Variants in FLNB observed in about 807,000 individuals in gnomAD.
FLNB encodes the protein filamin B, also known as filamin-B.
Under a neutral mutation model 250.6 loss-of-function variants are expected in FLNB, and 111 were observed. The ratio of observed to expected loss-of-function variants is 0.44; its 90% confidence interval spans 0.38 to 0.52. The LOEUF (loss-of-function observed/expected upper bound fraction) is 0.52, where lower values mean the gene tolerates loss of function less well. FLNB is among the 20% of genes least tolerant of loss of function. FLNB has a pLI of 0.00. For synonymous variants in FLNB, 1,302 were observed against 1,372.1 expected, an observed-to-expected ratio of 0.95 and a Z score of 1.13; for missense variants, 2,869 against 3,447.8, an observed-to-expected ratio of 0.83 and a Z score of 4.20.
intron 3 of FLNB, among the ~76,000 whole-genome samples, chr3:58,080,863 G>A (rs994565927): frequency 2.7e-5 from 4 of 148,424 alleles, no homozygotes; most frequent in African/African-American, 5.0e-5. Flanking sequence ...GCATGATCTC[G>A]GTTCACTGAA....
intron 1 of FLNB, among the ~76,000 whole-genome samples, chr3:58,070,983 T>C (rs1238832016): frequency 6.6e-6 from 1 of 151,658 alleles, no homozygotes; most frequent in Non-Finnish European, 1.5e-5. Flanking sequence ...AGTCTTACTT[T>C]GTTGCCCAGC....
At chr3:58,098,034 T>C in intron 7 of FLNB, 57 bp downstream of exon 7, 2 of 1,578,532 alleles carry the variant, frequency 1.3e-6, no homozygotes, top group South Asian at 2.2e-5. Flanking sequence ...GAGGCTGAAA[T>C]ATAATCCTCG....
intron 1 of FLNB, among the ~76,000 whole-genome samples, chr3:58,076,145 A>G (rs2097201370): frequency 1.3e-5 from 2 of 152,200 alleles, no homozygotes; most frequent in Admixed American, 1.3e-4. Context: ...TATGAAAATG[A>G]TTGATAACAC....
chr3:58,159,915 A>G (rs1169189647), intron 42 of FLNB, among the ~76,000 whole-genome samples: 1 of 152,138 alleles, frequency 6.6e-6, no homozygotes, highest in East Asian at 1.9e-4. Context: ...TCTTTTTTAA[A>G]CAAATGCTGG....
At chr3:58,143,232 C>T (rs2097330008) in intron 31 of FLNB, among the ~76,000 whole-genome samples, 2 of 151,784 alleles carry the variant, frequency 1.3e-5, no homozygotes, top group Non-Finnish European at 1.5e-5. Context: ...CTTGATTTTG[C>T]CAGTTGTAGA....
intron 42 of FLNB, 67 bp from the exon 43 acceptor site, chr3:58,163,087 T>C (rs1444740945): frequency 6.6e-7 from 1 of 1,523,742 alleles, no homozygotes; most frequent in Non-Finnish European, 9.1e-7. Flanking sequence ...CTCCATCCTT[T>C]ATCCTCACTG....
chr3:58,162,055 C>T (rs2097362657), intron 42 of FLNB, among the ~76,000 whole-genome samples: 2 of 152,144 alleles, frequency 1.3e-5, no homozygotes, highest in Non-Finnish European at 2.9e-5. Context: ...CTGGACATGG[C>T]GGTGGAGCCA....
chr3:58,123,151 C>G lies in FLNB; in HGVS notation c.3185C>G (p.Thr1062Ser). Residue 1062 changes from threonine (T) to serine (S), a missense_variant, in exon 21 of 46, where the codon ACC (threonine) becomes AGC (serine). By Grantham distance (58) the Thr-to-Ser change is moderately conservative (BLOSUM62 1). Around this residue, in one of 5 missense-constraint regions of FLNB, gnomAD observed 1,348 missense variants for 1,466.7 expected, o/e 0.92. Transcript: ENST00000295956. ...CTCGTGGGCAAGCCTGCCGAGTTCACCATCGATACCAAAGGAGCTGGTACT... is the reference window on the plus strand; with the variant it reads ...CTCGTGGGCAAGCCTGCCGAGTTCAGCATCGATACCAAAGGAGCTGGTACT... The part of the protein sequence containing the change: ...GGLVGKPAEF[T>S]IDTKGAGTGG... 6.2e-7 allele frequency: 1 copy of G among 1,614,194 alleles called. No homozygotes were observed. The highest frequency in any genetic ancestry group is 1.3e-5 in the African/African-American group (1 of 75,048).
rs2107293397 is a variant in FLNB at position 58,154,843 on chromosome 3, T to C, written c.6687T>C (p.Ala2229=). ...REAGAGGLSI[A]VEGPSKAEIT... ...CAGGCGCTGGAGGCCTCTCCATCGC[T>C]GTTGAGGGCCCCAGTAAGGCCGAGA... The change falls in exon 40 of 46, where the codon GCT becomes GCC. Residue 2229 remains alanine (A), a synonymous_variant. Transcript: ENST00000295956. 4.3e-6 allele frequency: 7 copies of C among 1,613,978 alleles called. No individual in the cohort carries two copies. In the East Asian group the frequency reaches 1.6e-4, roughly 36 times the overall value.
At chr3:58,134,592 G>A (rs979174389) in intron 26 of FLNB, 24 bp from the exon 27 acceptor site, 5 of 1,346,564 alleles carry the variant, frequency 3.7e-6, no homozygotes, top group Non-Finnish European at 5.1e-6. Context: ...ATTGACTAGG[G>A]TGTGTGTGTG....
chr3:58,057,115 A>G (rs1012513839), intron 1 of FLNB, among the ~76,000 whole-genome samples: 4 of 152,114 alleles, frequency 2.6e-5, no homozygotes, highest in South Asian at 4.1e-4. Context: ...AGCTGGGACT[A>G]CTGGCACGTG....
At chr3:58,132,255 G>T in intron 25 of FLNB, 1 of 523,122 alleles carries the variant, frequency 1.9e-6, no homozygotes, top group South Asian at 2.2e-5. Context: ...ATCTCCACAG[G>T]CTTCACCTTG....
At chr3:58,100,213 A>T (rs2097247388) in intron 8 of FLNB, among the ~76,000 whole-genome samples, 1 of 151,738 alleles carries the variant, frequency 6.6e-6, no homozygotes, top group Non-Finnish European at 1.5e-5. Flanking sequence ...TAGCTTTCCT[A>T]ATTCTACTAT....
At position 58,134,336 on chromosome 3, in the gene FLNB, C is replaced by A. The variant is rs555787909; in HGVS notation, c.4515-280C>A. Among the ~76,000 whole-genome samples, 7 of 152,306 alleles carry A rather than the reference C, an allele frequency of 4.6e-5. No homozygotes were observed. In the South Asian group the frequency reaches 1.2e-3, roughly 27 times the overall value. On this transcript the variant is annotated intron_variant, in intron 26 of 45. Coordinates refer to ENST00000295956, the MANE Select transcript of FLNB (RefSeq NM_001457.4). ...CAGTTTTATCCTGAAAGCATTCCCC[C>A]ACCAGGCCCCCTGGTCTTCTACGAA...
chr3:58,063,876 C>G (rs1054031017), intron 1 of FLNB, among the ~76,000 whole-genome samples: 1 of 151,964 alleles, frequency 6.6e-6, no homozygotes, highest in Non-Finnish European at 1.5e-5. Flanking sequence ...AATACCTATC[C>G]TATTTATTAT....
chr3:58,141,499 C>T (rs1467351183), intron 29 of FLNB, among the ~76,000 whole-genome samples: 1 of 152,176 alleles, frequency 6.6e-6, no homozygotes, highest in African/African-American at 2.4e-5. Context: ...TGGACAGACT[C>T]ACCAGAATTT....
intron 4 of FLNB, among the ~76,000 whole-genome samples, chr3:58,085,375 G>A (rs1294458149): frequency 1.3e-5 from 2 of 152,250 alleles, no homozygotes; most frequent in East Asian, 1.9e-4. Context: ...GAAAGCCGGG[G>A]TCAGTTTTGG....
intron 4 of FLNB, among the ~76,000 whole-genome samples, chr3:58,086,098 T>C (rs1263223297): frequency 4.6e-5 from 7 of 151,854 alleles, no homozygotes; most frequent in Non-Finnish European, 1.0e-4. Flanking sequence ...TGGGCTCAAG[T>C]GATTCTCCCT....
At chr3:58,010,743 A>G (rs925417530) in intron 1 of FLNB, among the ~76,000 whole-genome samples, 2 of 152,098 alleles carry the variant, frequency 1.3e-5, no homozygotes, top group African/African-American at 4.8e-5. Flanking sequence ...CAACAACAAA[A>G]CCAAACCAAA....
Sources: allele counts gnomAD v4.1 joint callset (sites outside exome capture counted in the v4.1 genomes callset), GRCh38; gene constraint gnomAD v4.1.1; regional missense constraint gnomAD v4.1.1; transcripts MANE v1.5; gene names NCBI Gene and HGNC (gene_info 2026-07-23, HGNC 2026-07-21).